PLCZ1: variants seen among roughly 807,000 people sequenced by gnomAD.
The protein encoded by PLCZ1 is phospholipase C zeta 1, also known as 1-phosphatidylinositol 4,5-bisphosphate phosphodiesterase zeta-1.
PLCZ1 carries 64 observed loss-of-function variants against 76.8 expected under a neutral mutation model. The observed-to-expected ratio is 0.83, with a 90% CI of 0.68 to 1.03. PLCZ1 has a LOEUF of 1.03. Ranked by LOEUF, PLCZ1 falls within the 50% of genes least tolerant of loss-of-function variation. The probability of loss-of-function intolerance (pLI) is 0.00; values close to 1 mark genes in which losing one functional copy is unlikely to be tolerated. For synonymous variants in PLCZ1, 248 were observed against 230.8 expected, an observed-to-expected ratio of 1.07 and a Z score of -0.68; for missense variants, 751 against 713.7, an observed-to-expected ratio of 1.05 and a Z score of -0.60.
At chr12:18,663,197 T>A in the PLCZ1 span, among the ~76,000 whole-genome samples, 1 of 152,028 alleles carries the variant, frequency 6.6e-6, no homozygotes, top group Non-Finnish European at 1.5e-5. Context: ...TCACTTTTAT[T>A]CAACATAGTA....
chr12:18,684,204 A>G lies in PLCZ1; in HGVS notation c.1667T>C (p.Val556Ala), dbSNP rs1952749185. ...VPELALIRFVVEGQGLIAGNE... is the reference protein window; with the variant it reads ...VPELALIRFVAEGQGLIAGNE... ...TCCTGCTATTAAACCTTGACCTTCA[A>G]CAACAAAACGTATCAATGCCAATTC... Residue 556 changes from valine (V) to alanine (A), a missense_variant, in exon 14 of 15, where the codon GTT (valine) becomes GCT (alanine). Val to Ala is a moderately conservative substitution (Grantham distance 64). Transcript: ENST00000266505. 4 of 1,612,292 alleles carry G rather than the reference A, an allele frequency of 2.5e-6. No homozygotes were observed. The highest frequency in any genetic ancestry group is 1.1e-5 in the South Asian group (1 of 91,068).
the PLCZ1 span, among the ~76,000 whole-genome samples, chr12:18,673,977 T>A: frequency 6.6e-6 from 1 of 152,196 alleles, no homozygotes; most frequent in Admixed American, 6.5e-5. Context: ...ATCACCTTCA[T>A]GTTGCTGTAT....
intron 10 of PLCZ1, 83 bp from the exon 11 acceptor site, chr12:18,696,349 T>TATATATATATATATATATCA (rs1955029231): frequency 4.6e-6 from 1 of 219,154 alleles, no homozygotes. Flanking sequence ...TATATATATA[T>TATATATATATATATATATCA]ATCATATAAT....
At chr12:18,648,954 A>G in the PLCZ1 span, among the ~76,000 whole-genome samples, 1 of 152,098 alleles carries the variant, frequency 6.6e-6, no homozygotes, top group Non-Finnish European at 1.5e-5. Context: ...ATGAAAAAAA[A>G]TCTAAGCTTT....
At chr12:18,683,373 G>A in intron 14 of PLCZ1, 49 bp from the exon 15 acceptor site, 2 of 1,571,988 alleles carry the variant, frequency 1.3e-6, no homozygotes, top group South Asian at 1.1e-5. Flanking sequence ...TTAATCAGTG[G>A]TGTCTCCAAT....
chr12:18,659,608 T>C, the PLCZ1 span, among the ~76,000 whole-genome samples: 4 of 151,982 alleles, frequency 2.6e-5, no homozygotes, highest in African/African-American at 9.7e-5. Flanking sequence ...AATCACACAT[T>C]TCATTTACGT....
the PLCZ1 span, among the ~76,000 whole-genome samples, chr12:18,649,151 T>C: frequency 6.6e-6 from 1 of 152,114 alleles, no homozygotes. Flanking sequence ...CACCCTTCTG[T>C]CTGCTGAAAC....
the PLCZ1 span, among the ~76,000 whole-genome samples, chr12:18,658,491 T>A: frequency 6.6e-6 from 1 of 152,156 alleles, no homozygotes; most frequent in Admixed American, 6.6e-5. Context: ...AATGGCTGAT[T>A]GTTACCACAG....
At chr12:18,691,997 C>T (rs760018347) in intron 12 of PLCZ1, among the ~76,000 whole-genome samples, 1 of 152,206 alleles carries the variant, frequency 6.6e-6, no homozygotes, top group East Asian at 1.9e-4. Flanking sequence ...CTGAAGTAGA[C>T]GTGGAGTGTA....
chr12:18,647,224 C>T, the PLCZ1 span, among the ~76,000 whole-genome samples: 1 of 151,864 alleles, frequency 6.6e-6, no homozygotes, highest in Admixed American at 6.6e-5. Flanking sequence ...TTAAGTAGCA[C>T]AGGAAAATCA....
intron 4 of PLCZ1, 60 bp downstream of exon 4, chr12:18,723,250 GA>G: frequency 1.4e-6 from 2 of 1,445,568 alleles, no homozygotes; most frequent in Non-Finnish European, 1.9e-6. Context: ...AATAATTTTT[GA>G]AAAAAGAAAA....
At chr12:18,698,844 T>A (rs1955485998) in intron 10 of PLCZ1, among the ~76,000 whole-genome samples, 2 of 152,186 alleles carry the variant, frequency 1.3e-5, no homozygotes, top group African/African-American at 4.8e-5. Flanking sequence ...TGTAGTCACC[T>A]GTTGCACTAT....
intron 5 of PLCZ1, among the ~76,000 whole-genome samples, chr12:18,715,258 G>A (rs1331902179): frequency 7.3e-6 from 1 of 137,258 alleles, no homozygotes; most frequent in African/African-American, 2.6e-5. Flanking sequence ...AGAGATAAAA[G>A]TTGGAAGAAC....
rs773048335 is a variant in PLCZ1 at position 18,705,182 on chromosome 12, G to A, written c.848C>T (p.Thr283Ile). The A allele has an allele frequency of 6.8e-6, 11 of 1,613,928 alleles. No homozygotes were observed. Among genetic ancestry groups the A allele is most frequent in the African/African-American group, 6.7e-5 (5 of 74,900 alleles). ...AAATGTTACCTCTGGTGATGGTAGA[G>A]TATCAGGAAAATCATCAAGCATATC... ...LSDMLDDFPD[T>I]LPSPEALKFK... is the part of the protein sequence containing the mutation. The change falls in exon 7 of 15, where the codon ACT (threonine) becomes ATT (isoleucine). Residue 283 changes from threonine to isoleucine, a missense_variant. Transcript: ENST00000266505.
chr12:18,663,063 G>T, the PLCZ1 span, among the ~76,000 whole-genome samples: 90,628 of 151,784 alleles, frequency 0.6, 27,217 homozygotes, highest in South Asian at 0.67. Flanking sequence ...AGACATAGAT[G>T]GAAAACTACC....
intron 12 of PLCZ1, chr12:18,693,589 T>G: frequency 6.3e-7 from 1 of 1,591,368 alleles, no homozygotes; most frequent in South Asian, 1.1e-5. Flanking sequence ...GGGAATTGTT[T>G]CGAGTTGCTG....
At chr12:18,653,374 T>C in the PLCZ1 span, among the ~76,000 whole-genome samples, 1 of 152,202 alleles carries the variant, frequency 6.6e-6, no homozygotes, top group East Asian at 1.9e-4. Context: ...TACAAATTTA[T>C]GTATATATTA....
At chr12:18,708,168 C>T (rs1360558862) in intron 6 of PLCZ1, among the ~76,000 whole-genome samples, 1 of 152,158 alleles carries the variant, frequency 6.6e-6, no homozygotes, top group Non-Finnish European at 1.5e-5. Flanking sequence ...TCTCCATTTT[C>T]TTCTCCCTCC....
chr12:18,695,043 T>C lies in PLCZ1; in HGVS notation c.1328A>G (p.Asp443Gly). ...ATCCAAAAATTTCCCATTTTGCAGA[T>C]CCATGGGCAGACCAGGGGTCTGGAA... ...LNFQTPGLPM[D>G]LQNGKFLDNG... Residue 443 changes from aspartate to glycine, a missense_variant, in exon 12 of 15, where the codon GAT becomes GGT. Physicochemically the swap from Asp to Gly is moderately conservative, Grantham distance 94. Transcript: ENST00000266505. The C allele has an allele frequency of 6.2e-7, 1 of 1,613,080 alleles. No homozygotes were observed. The highest frequency in any genetic ancestry group is 8.5e-7 in the Non-Finnish European group (1 of 1,179,306).
Sources: gnomAD v4.1 joint callset for allele counts (sites outside exome capture counted in the v4.1 genomes callset) on GRCh38, gnomAD v4.1.1 for gene constraint, MANE v1.5 for transcripts, NCBI Gene and HGNC (gene_info 2026-07-23, HGNC 2026-07-21) for gene names.